Variants in NECTIN3 observed in about 807,000 individuals in gnomAD.
The protein encoded by NECTIN3 is nectin cell adhesion molecule 3.
In NECTIN3, 8 loss-of-function variants were observed where a neutral mutation model predicts 49.4. The ratio of observed to expected loss-of-function variants is 0.16; its 90% CI spans 0.10 to 0.29. The LOEUF (loss-of-function observed/expected upper bound fraction) is 0.29, where lower values mean the gene tolerates loss of function less well. Ranked by LOEUF, NECTIN3 falls within the 10% of genes least tolerant of loss-of-function variation. NECTIN3 has a pLI of 1.00. For synonymous variants in NECTIN3, 277 were observed against 241.1 expected (o/e 1.15, Z -1.38); for missense variants, 581 against 654.6 (o/e 0.89, Z 1.23).
chr3:111,193,100 G>T, intron 1 of NECTIN3: 2 of 1,032,014 alleles, frequency 1.9e-6, no homozygotes, highest in Non-Finnish European at 1.4e-6. Context: ...ATGAATCAGG[G>T]ACACTAAACT....
chr3:111,072,246 C>G, intron 1 of NECTIN3, 69 bp downstream of exon 1: 1 of 1,484,594 alleles, frequency 6.7e-7, no homozygotes, highest in Non-Finnish European at 8.9e-7. Flanking sequence ...CCGCGGCCGG[C>G]TCTGCCAGCC....
intron 1 of NECTIN3, chr3:111,075,308 T>G (rs1559761015): frequency 6.6e-6 from 1 of 152,112 alleles, no homozygotes; most frequent in Non-Finnish European, 1.5e-5. Flanking sequence ...GGTCAGATCT[T>G]ATTGAGATGT....
chr3:111,147,258 C>G, intron 6 of NECTIN3: 1 of 592,052 alleles, frequency 1.7e-6, no homozygotes, highest in Non-Finnish European at 2.8e-6. Flanking sequence ...AATGTAAGAA[C>G]TGAATTAAGC....
rs983010528 is a variant in NECTIN3 at position 111,075,416 on chromosome 3, T to C, written c.160+3239T>C. Among the ~76,000 whole-genome samples the C allele has an allele frequency of 1.3e-5, 2 of 152,258 alleles. 1 individual carries two copies. The highest frequency in any genetic ancestry group is 3.9e-4 in the East Asian group (2 of 5,186). Reference sequence around the variant, plus strand: ...TTATTTAACCTTGGAAACTTGAAGTTTCTCTTGTTTTATAAAGAGATAACA... The same window carrying C: ...TTATTTAACCTTGGAAACTTGAAGTCTCTCTTGTTTTATAAAGAGATAACA... On this transcript the variant is annotated intron_variant, in intron 1 of 5. Transcript: ENST00000485303.
intron 5 of NECTIN3, 51 bp from the exon 6 acceptor site, chr3:111,133,584 T>G (rs777195960): frequency 6.4e-7 from 1 of 1,560,262 alleles, no homozygotes. Flanking sequence ...TCAGCCTGCA[T>G]TGACATTCTT....
chr3:111,096,947 T>C (rs186424914), intron 1 of NECTIN3, among the ~76,000 whole-genome samples: 362 of 152,292 alleles, frequency 2.4e-3, no homozygotes, highest in African/African-American at 8.3e-3. Context: ...GAGTCCCCAC[T>C]GGGATACCAC....
intron 1 of NECTIN3, among the ~76,000 whole-genome samples, chr3:111,089,939 GCAAT>G (rs1404109094): frequency 6.6e-6 from 1 of 152,000 alleles, no homozygotes; most frequent in Non-Finnish European, 1.5e-5. Context: ...GTTATGAGGT[GCAAT>G]CAAATTTCGA....
intron 1 of NECTIN3, among the ~76,000 whole-genome samples, chr3:111,194,075 C>T (rs762584235): frequency 6.6e-6 from 1 of 152,152 alleles, no homozygotes; most frequent in Non-Finnish European, 1.5e-5. Flanking sequence ...GTAACAAAGG[C>T]TCTACTTTTG....
rs147274886 is a variant in NECTIN3, at chr3:111,090,615, G to A, written c.160+18438G>A. ...GTGTGTGTGTCTCATAAGGCATTTT[G>A]CATCTTTATTTTTTTATACAGTAAA... On this transcript the variant is annotated intron_variant, in intron 1 of 5. Coordinates refer to ENST00000485303, the MANE Select transcript of NECTIN3 (RefSeq NM_015480.3). 6.2e-3 allele frequency among the ~76,000 whole-genome samples: 904 copies of A among 145,338 alleles called. 6 individuals are homozygous for A. Among genetic ancestry groups the A allele is most frequent in the African/African-American group, 0.022 (846 of 39,308 alleles).
chr3:111,144,509 T>G (rs2034827576), intron 5 of NECTIN3, among the ~76,000 whole-genome samples: 1 of 151,998 alleles, frequency 6.6e-6, no homozygotes, highest in Non-Finnish European at 1.5e-5. Flanking sequence ...AGAATAAAAG[T>G]GCTAAATGTC....
chr3:111,183,716 G>A (rs1486326813), intron 7 of NECTIN3, among the ~76,000 whole-genome samples: 1 of 150,926 alleles, frequency 6.6e-6, no homozygotes, highest in South Asian at 2.1e-4. Flanking sequence ...TTTTTCTAGT[G>A]AGAAGCCAGT....
chr3:111,127,607 G>C (rs1312676472), intron 5 of NECTIN3, among the ~76,000 whole-genome samples: 1 of 151,726 alleles, frequency 6.6e-6, no homozygotes, highest in Admixed American at 6.6e-5. Context: ...TGTCACCCAG[G>C]CTGGAGTGAG....
At chr3:111,116,669 G>GA (rs551437724) in intron 2 of NECTIN3, among the ~76,000 whole-genome samples, 1 of 152,032 alleles carries the variant, frequency 6.6e-6, no homozygotes, top group African/African-American at 2.4e-5. Context: ...TCACCAGTAA[G>GA]AAAAAAATAG....
intron 7 of NECTIN3, among the ~76,000 whole-genome samples, chr3:111,156,627 A>G (rs2035103634): frequency 6.6e-6 from 1 of 152,200 alleles, no homozygotes; most frequent in African/African-American, 2.4e-5. Flanking sequence ...TGAAGCCACC[A>G]AATTATTCCA....
At chr3:111,137,575 G>A (rs1325398383), downstream of NECTIN3, 7 of 829,456 alleles carry the variant, frequency 8.4e-6, no homozygotes, top group Non-Finnish European at 1.0e-5. Context: ...TCTGTAATAA[G>A]TTCATTGCTC....
chr3:111,160,904 G>A lies in NECTIN3; in HGVS notation c.1221+13420G>A, dbSNP rs554243032. 3.3e-5 allele frequency among the ~76,000 whole-genome samples: 5 copies of A among 152,324 alleles called. No individual in the cohort carries two copies. In the East Asian group the frequency reaches 9.7e-4, roughly 29 times the overall value. Reference sequence around the variant, plus strand: ...CAGCTGTAGTCCCAGCTACTTGGGAGGCTGAGGCAGGAGAATGGCGTGAAC... The same window carrying A: ...CAGCTGTAGTCCCAGCTACTTGGGAAGCTGAGGCAGGAGAATGGCGTGAAC... On this transcript the variant is annotated intron_variant, in intron 7 of 8. Coordinates refer to the NECTIN3 transcript ENST00000493615.
chr3:111,180,377 G>C (rs1035500385), intron 7 of NECTIN3, among the ~76,000 whole-genome samples: 1 of 152,134 alleles, frequency 6.6e-6, no homozygotes, highest in Admixed American at 6.5e-5. Context: ...TATGACTAGC[G>C]TACGCATATG....
chr3:111,084,864 TA>T (rs937070711), intron 1 of NECTIN3, among the ~76,000 whole-genome samples: 4 of 152,190 alleles, frequency 2.6e-5, no homozygotes, highest in African/African-American at 9.6e-5. Flanking sequence ...TGGGCTGCCA[TA>T]ACAAAATGCC....
chr3:111,089,818 T>C (rs1001300673), intron 1 of NECTIN3, among the ~76,000 whole-genome samples: 2 of 151,046 alleles, frequency 1.3e-5, no homozygotes, highest in Non-Finnish European at 3.0e-5. Flanking sequence ...CCCTTTCTGA[T>C]TTTTTTTTGC....
Sources: gnomAD v4.1 joint callset for allele counts (sites outside exome capture counted in the v4.1 genomes callset) on GRCh38, gnomAD v4.1.1 for gene constraint, MANE v1.5 for transcripts, NCBI Gene and HGNC (gene_info 2026-07-23, HGNC 2026-07-21) for gene names.